The following AMBRA1 variants were observed in gnomAD, a reference collection of about 807,000 sequenced individuals.
AMBRA1 encodes the protein autophagy and beclin 1 regulator 1.
AMBRA1 carries 47 observed loss-of-function variants against 125.4 expected under a neutral mutation model. The ratio of observed to expected loss-of-function variants is 0.37; its 90% confidence interval spans 0.30 to 0.48. The LOEUF is 0.48. AMBRA1 is among the 20% of genes least tolerant of loss of function. The pLI is 0.99. For synonymous variants in AMBRA1, 626 were observed against 655.5 expected (o/e 0.95, Z 0.69); for missense variants, 1,331 against 1,693.4 (o/e 0.79, Z 3.76).
Position 46,552,134 on chromosome 11 carries a change from C to T in AMBRA1, c.-120-3634G>A, listed in dbSNP as rs371296509. Among the ~76,000 whole-genome samples the T allele has an allele frequency of 1.6e-4, 23 of 148,202 alleles. No individual in the cohort carries two copies. The South Asian group carries it at 3.4e-3, about 22-fold the overall frequency. ...CTATAATCCCAGCACTTTGGAAGGC[C>T]GAGGCAGGCAGATCACTTGAGGTCA... On this transcript the variant is annotated intron_variant, in intron 1 of 17. Transcript: ENST00000683756.
Position 46,504,051 on chromosome 11 carries a change from C to T in AMBRA1, c.2339+4140G>A, listed in dbSNP as rs566103080. Among the ~76,000 whole-genome samples, 28 of 152,246 alleles carry T rather than the reference C, an allele frequency of 1.8e-4. 1 individual carries two copies. The East Asian group carries it at 3.7e-3, about 20-fold the overall frequency. On this transcript the variant is annotated intron_variant, in intron 9 of 17. Coordinates refer to ENST00000683756, the MANE Select transcript of AMBRA1 (RefSeq NM_001387011.1). ...GTAATTATCCAGTGGCTAGTATATA[C>T]GATGCAGATATTTGCGACTGATCTA...
chr11:46,543,734 C>T (rs757135483), intron 6 of AMBRA1, among the ~76,000 whole-genome samples: 1 of 152,204 alleles, frequency 6.6e-6, no homozygotes, highest in Non-Finnish European at 1.5e-5. Flanking sequence ...CTATCCAACA[C>T]TGTCTAGTGA....
Position 46,543,089 on chromosome 11 carries a change from G to C in AMBRA1, c.928C>G (p.Leu310Val). 8.2e-6 allele frequency: 13 copies of C among 1,591,140 alleles called. No individual in the cohort carries two copies. The highest frequency in any genetic ancestry group is 1.1e-5 in the Non-Finnish European group (13 of 1,175,738). The change falls in exon 7 of 18, where the codon CTT (leucine) becomes GTT (valine). Residue 310 changes from leucine to valine, a missense_variant. Around this residue, in one of 4 missense-constraint regions of AMBRA1, gnomAD observed 689 missense variants for 776.5 expected, o/e 0.89. Transcript: ENST00000683756. ...ECCQHLGILCLCSRCSGTRVP... is the reference protein window; with the variant it reads ...ECCQHLGILCVCSRCSGTRVP... ...CGAGTGCCAGAGCAGCGGCTGCAAA[G>C]GCACAGGATCCCAAGGTGCTGGCAG...
intron 1 of AMBRA1, among the ~76,000 whole-genome samples, chr11:46,570,364 G>A (rs865946093): frequency 6.6e-6 from 1 of 151,024 alleles, no homozygotes; most frequent in African/African-American, 2.4e-5. Context: ...TGTGGGCCCA[G>A]AGGGAGAAGT....
chr11:46,563,759 T>C (rs1409940307), intron 1 of AMBRA1, among the ~76,000 whole-genome samples: 2 of 148,868 alleles, frequency 1.3e-5, no homozygotes, highest in Non-Finnish European at 3.0e-5. Context: ...AGAATTCACT[T>C]GAACCTAGGA....
At chr11:46,508,459 T>G in intron 8 of AMBRA1, 89 bp from the exon 9 acceptor site, 1 of 1,349,582 alleles carries the variant, frequency 7.4e-7, no homozygotes. Flanking sequence ...CCATGGCATC[T>G]CCCTGCTGAG....
intron 11 of AMBRA1, among the ~76,000 whole-genome samples, chr11:46,465,799 T>C (rs1205647080): frequency 6.6e-6 from 1 of 152,246 alleles, no homozygotes; most frequent in East Asian, 1.9e-4. Flanking sequence ...ACAGAACTTC[T>C]GAAATGTATA....
chr11:46,488,977 A>C (rs1363796664), intron 11 of AMBRA1, among the ~76,000 whole-genome samples: 1 of 152,170 alleles, frequency 6.6e-6, no homozygotes, highest in Non-Finnish European at 1.5e-5. Flanking sequence ...ATCTTGGCTC[A>C]CTGCAAGCTC....
intron 7 of AMBRA1, among the ~76,000 whole-genome samples, chr11:46,526,342 C>T (rs778942264): frequency 6.6e-6 from 1 of 152,016 alleles, no homozygotes; most frequent in African/African-American, 2.4e-5. Flanking sequence ...CCCTCCCACA[C>T]TGAATCTAGA....
At chr11:46,461,978 A>T (rs1346807425) in intron 11 of AMBRA1, among the ~76,000 whole-genome samples, 3 of 152,188 alleles carry the variant, frequency 2.0e-5, no homozygotes, top group African/African-American at 7.2e-5. Flanking sequence ...CCCACTATCT[A>T]GACTCCTTCC....
intron 1 of AMBRA1, among the ~76,000 whole-genome samples, chr11:46,592,761 A>AG (rs1287703440): frequency 6.6e-6 from 1 of 151,842 alleles, no homozygotes; most frequent in Non-Finnish European, 1.5e-5. Context: ...GTCTTAAAAA[A>AG]AAAAAAGAAA....
intron 1 of AMBRA1, among the ~76,000 whole-genome samples, chr11:46,591,823 C>T (rs1436421993): frequency 6.6e-6 from 1 of 151,882 alleles, no homozygotes; most frequent in Non-Finnish European, 1.5e-5. Flanking sequence ...CACCACTGCA[C>T]TCCAGCCTGG....
At chr11:46,399,340 C>T (rs906002654) in intron 17 of AMBRA1, among the ~76,000 whole-genome samples, 1 of 152,132 alleles carries the variant, frequency 6.6e-6, no homozygotes, top group Non-Finnish European at 1.5e-5. Flanking sequence ...TCCCAAAAGG[C>T]TGGGATTATA....
chr11:46,563,238 T>A (rs1003894678), intron 1 of AMBRA1, among the ~76,000 whole-genome samples: 6 of 151,992 alleles, frequency 3.9e-5, no homozygotes, highest in South Asian at 2.1e-4. Context: ...ATAGACCTCA[T>A]CTCTTTTTTT....
chr11:46,473,038 T>C (rs890940117), intron 11 of AMBRA1, among the ~76,000 whole-genome samples: 6 of 152,250 alleles, frequency 3.9e-5, no homozygotes, highest in African/African-American at 1.4e-4. Flanking sequence ...CAAAACTTAT[T>C]GGCATACAAG....
chr11:46,513,637 C>T (rs1951360428), intron 7 of AMBRA1, among the ~76,000 whole-genome samples: 2 of 152,152 alleles, frequency 1.3e-5, no homozygotes, highest in Non-Finnish European at 2.9e-5. Context: ...CCTGTCTTAA[C>T]TCCAAAATGC....
intron 9 of AMBRA1, among the ~76,000 whole-genome samples, chr11:46,503,020 C>T (rs1050142548): frequency 2.1e-5 from 3 of 141,620 alleles, no homozygotes; most frequent in Non-Finnish European, 4.5e-5. Context: ...GAGATTGTGC[C>T]GCTGCACTCC....
chr11:46,592,006 C>A (rs1049615942), intron 1 of AMBRA1, among the ~76,000 whole-genome samples: 1 of 138,610 alleles, frequency 7.2e-6, no homozygotes, highest in Non-Finnish European at 1.5e-5. Flanking sequence ...AGTGCAACGG[C>A]GTGATCTCGG....
At chr11:46,464,511 G>T (rs1404139649) in intron 11 of AMBRA1, among the ~76,000 whole-genome samples, 2 of 152,084 alleles carry the variant, frequency 1.3e-5, no homozygotes, top group Non-Finnish European at 2.9e-5. Context: ...CTACAGATAG[G>T]CTTCAGGTGG....
Sources: allele counts gnomAD v4.1 joint callset (sites outside exome capture counted in the v4.1 genomes callset), GRCh38; gene constraint gnomAD v4.1.1; regional missense constraint gnomAD v4.1.1; transcripts MANE v1.5; gene names NCBI Gene and HGNC (gene_info 2026-07-23, HGNC 2026-07-21).